CFAP61: variants seen among roughly 807,000 people sequenced by gnomAD.
CFAP61 encodes the protein cilia- and flagella-associated protein 61.
A neutral mutation model predicts 135.6 loss-of-function variants in CFAP61; 107 were observed. The observed-to-expected ratio is 0.79, with a 90% confidence interval of 0.67 to 0.93. The LOEUF (loss-of-function observed/expected upper bound fraction) is 0.93. Among genes scored for constraint, CFAP61 ranks in the 40% least tolerant of loss-of-function variants. The probability of loss-of-function intolerance (pLI) is 0.00; values close to 1 mark genes in which losing one functional copy is unlikely to be tolerated. For synonymous variants in CFAP61, 575 were observed against 578.5 expected, an observed-to-expected ratio of 0.99 and a Z score of 0.09; for missense variants, 1,507 against 1,556.2, an observed-to-expected ratio of 0.97 and a Z score of 0.53.
chr20:20,290,251 C>G, intron 23 of CFAP61, 49 bp from the exon 24 acceptor site: 1 of 1,147,782 alleles, frequency 8.7e-7, no homozygotes, highest in Non-Finnish European at 1.3e-6. Context: ...CTCTGTTACT[C>G]ACCTCATTAA....
intron 20 of CFAP61, chr20:20,253,681 C>A: frequency 2.5e-6 from 1 of 407,788 alleles, no homozygotes; most frequent in Admixed American, 2.6e-5. Flanking sequence ...CAGAATGGTA[C>A]ACACTGTCTC....
intron 6 of CFAP61, among the ~76,000 whole-genome samples, chr20:20,077,096 G>A (rs1048757483): frequency 1.3e-5 from 2 of 152,116 alleles, no homozygotes; most frequent in Non-Finnish European, 2.9e-5. Context: ...GCTGAGAAGC[G>A]GGATGCACAG....
chr20:20,070,739 A>G (rs2045646557), intron 2 of CFAP61, 115 bp from the exon 3 acceptor site: 3 of 856,794 alleles, frequency 3.5e-6, no homozygotes, highest in South Asian at 1.8e-5. Context: ...TCCAAAGATT[A>G]TCTGACCTCA....
At chr20:20,308,086 T>G (rs1169040549) in intron 25 of CFAP61, among the ~76,000 whole-genome samples, 1 of 152,220 alleles carries the variant, frequency 6.6e-6, no homozygotes, top group Non-Finnish European at 1.5e-5. Flanking sequence ...CTGTCCACTA[T>G]GAGAGTCAAC....
At chr20:20,342,953 C>T (rs1423488022) in intron 26 of CFAP61, among the ~76,000 whole-genome samples, 1 of 151,908 alleles carries the variant, frequency 6.6e-6, no homozygotes, top group Admixed American at 6.6e-5. Flanking sequence ...CTCTGCCTCT[C>T]AGGTTCAAGC....
At chr20:20,318,078 C>G (rs1051500554) in intron 25 of CFAP61, among the ~76,000 whole-genome samples, 5 of 152,158 alleles carry the variant, frequency 3.3e-5, no homozygotes, top group Non-Finnish European at 7.4e-5. Flanking sequence ...TCTCTTGTAC[C>G]AGGAAGGACG....
intron 3 of CFAP61, among the ~76,000 whole-genome samples, chr20:20,072,272 G>A (rs576749382): frequency 1.7e-4 from 25 of 151,414 alleles, no homozygotes; most frequent in African/African-American, 5.8e-4. Context: ...CTGCCACCAC[G>A]CCCGGCTAAT....
At chr20:20,233,456 T>G (rs779864776) in intron 18 of CFAP61, among the ~76,000 whole-genome samples, 1 of 152,116 alleles carries the variant, frequency 6.6e-6, no homozygotes, top group Non-Finnish European at 1.5e-5. Flanking sequence ...TCCTCCGATG[T>G]GCCCAAGCAG....
chr20:20,132,749 C>T (rs983716054), intron 8 of CFAP61, among the ~76,000 whole-genome samples: 1 of 151,900 alleles, frequency 6.6e-6, no homozygotes, highest in African/African-American at 2.4e-5. Context: ...TATGAAGTTT[C>T]CTTCTTTAGT....
In CFAP61 at chr20:20,218,741, AC is replaced by A. The variant is rs1375298894; in HGVS notation, c.1933-9506del. Among the ~76,000 whole-genome samples the A allele has an allele frequency of 2.6e-5, 4 of 152,322 alleles. No individual in the cohort carries two copies. In the East Asian group the frequency reaches 7.7e-4, roughly 29 times the overall value. On this transcript the variant is annotated intron_variant, in intron 17 of 26. Transcript: ENST00000245957. ...GCCTCATTCACACCTCAGCATTTAG[AC>A]CAATTGTTGGCATCTGGTAGATCCT...
chr20:20,157,593 T>C (rs2053036187), intron 9 of CFAP61, among the ~76,000 whole-genome samples: 1 of 152,184 alleles, frequency 6.6e-6, no homozygotes, highest in African/African-American at 2.4e-5. Context: ...AATCCATACC[T>C]CACACCATAT....
rs1253842827 is a variant in CFAP61 at position 20,191,451 on chromosome 20, A to G, written c.1590+32A>G. Reference sequence around the variant, plus strand: ...TGTGAAGTGGATATAAATTTCTTTGATTGTGCCTTGCTATATCATGAATTA... The same window carrying G: ...TGTGAAGTGGATATAAATTTCTTTGGTTGTGCCTTGCTATATCATGAATTA... On this transcript the variant is annotated intron_variant, in intron 15 of 26. Transcript: ENST00000245957. The G allele has an allele frequency of 2.0e-6, 3 of 1,534,828 alleles. No homozygotes were observed. The South Asian group carries it at 3.4e-5, about 17-fold the overall frequency.
chr20:20,174,099 C>T (rs1241280173), intron 13 of CFAP61, among the ~76,000 whole-genome samples: 3 of 152,166 alleles, frequency 2.0e-5, no homozygotes, highest in African/African-American at 7.2e-5. Context: ...TCTTGAATCA[C>T]TTGCATTTAA....
At chr20:20,112,265 T>A (rs2048850212) in intron 8 of CFAP61, among the ~76,000 whole-genome samples, 1 of 152,146 alleles carries the variant, frequency 6.6e-6, no homozygotes, top group Non-Finnish European at 1.5e-5. Context: ...GGCAAAGCAA[T>A]ACCAGCACAC....
At chr20:20,340,866 G>A (rs1009103919) in intron 25 of CFAP61, among the ~76,000 whole-genome samples, 1 of 152,072 alleles carries the variant, frequency 6.6e-6, no homozygotes, top group Non-Finnish European at 1.5e-5. Context: ...AGTGGGCGTG[G>A]GGTGAGGCCT....
chr20:20,281,709 T>C (rs2054206161), intron 22 of CFAP61, among the ~76,000 whole-genome samples: 1 of 152,196 alleles, frequency 6.6e-6, no homozygotes, highest in Non-Finnish European at 1.5e-5. Flanking sequence ...GGGATGTTGA[T>C]ATAGAATTTT....
chr20:20,298,420 T>A, intron 25 of CFAP61, 34 bp downstream of exon 25: 1 of 1,535,874 alleles, frequency 6.5e-7, no homozygotes, highest in South Asian at 1.1e-5. Flanking sequence ...TACAGGGAAA[T>A]ACAAATATAT....
chr20:20,118,301 CTTTCT>C (rs1555873010), intron 8 of CFAP61, among the ~76,000 whole-genome samples: 342 of 108,014 alleles, frequency 3.2e-3, no homozygotes, highest in African/African-American at 0.012. Context: ...TTCTTTCTTT[CTTTCT>C]TTTCTTTCTT....
intron 6 of CFAP61, among the ~76,000 whole-genome samples, chr20:20,076,146 C>G (rs1404532184): frequency 6.6e-6 from 1 of 152,158 alleles, no homozygotes; most frequent in Non-Finnish European, 1.5e-5. Flanking sequence ...GTGACTTTGC[C>G]ACTCCTCTCT....
Sources: gnomAD v4.1 joint callset for allele counts (sites outside exome capture counted in the v4.1 genomes callset) on GRCh38, gnomAD v4.1.1 for gene constraint, MANE v1.5 for transcripts, NCBI Gene and HGNC (gene_info 2026-07-23, HGNC 2026-07-21) for gene names.